MOB3B: variants seen among roughly 807,000 people sequenced by gnomAD.
MOB3B encodes MOB kinase activator-like 2B.
Under a neutral mutation model 18.7 loss-of-function variants are expected in MOB3B, and 7 were observed. That is an observed-to-expected ratio of 0.37 (90% confidence interval 0.21 to 0.70). The LOEUF (loss-of-function observed/expected upper bound fraction) is 0.70. Ranked by LOEUF, MOB3B falls within the 30% of genes least tolerant of loss-of-function variation. MOB3B has a pLI of 0.52. For synonymous variants in MOB3B, 111 were observed against 99.9 expected (o/e 1.11, Z -0.66); for missense variants, 253 against 281.3 (o/e 0.90, Z 0.72).
rs1820742141 is a variant in MOB3B at position 27,328,459 on chromosome 9, G to C, written c.*2128C>G. Reference sequence around the variant, plus strand: ...TTCATTAGTGCAATTAACAATATAAGCAGGAGGAAATTCTTCCAAGAAGCT... The same window carrying C: ...TTCATTAGTGCAATTAACAATATAACCAGGAGGAAATTCTTCCAAGAAGCT... On this transcript the variant is annotated 3_prime_UTR_variant, in exon 4 of 4. Coordinates refer to ENST00000262244, the MANE Select transcript of MOB3B (RefSeq NM_024761.5). 1.3e-5 allele frequency: 2 copies of C among 151,356 alleles called. No individual in the cohort carries two copies. 9.4% of individuals were successfully genotyped at this position (151,356 alleles called of 1,614,324 possible).
intron 1 of MOB3B, among the ~76,000 whole-genome samples, chr9:27,497,504 A>G (rs1819919724): frequency 6.6e-6 from 1 of 152,018 alleles, no homozygotes; most frequent in African/African-American, 2.4e-5. Context: ...ACAATTTCCT[A>G]AAAAATATAT....
In MOB3B at chr9:27,446,718, C is replaced by T. The variant is rs573859117; in HGVS notation, c.418+8415G>A. Among the ~76,000 whole-genome samples the T allele has an allele frequency of 1.3e-4, 20 of 152,266 alleles. No individual in the cohort carries two copies. The South Asian group carries it at 3.1e-3, about 24-fold the overall frequency. On this transcript the variant is annotated intron_variant, in intron 2 of 3. Coordinates refer to ENST00000262244, the MANE Select transcript of MOB3B (RefSeq NM_024761.5). ...CTAGCATTGTGTCAGGGGCTTCACACGTAGCATGTTATTTTATATTCTTAA... is the reference window on the plus strand; with the variant it reads ...CTAGCATTGTGTCAGGGGCTTCACATGTAGCATGTTATTTTATATTCTTAA...
chr9:27,451,865 G>A (rs1822789908), intron 2 of MOB3B, among the ~76,000 whole-genome samples: 1 of 152,216 alleles, frequency 6.6e-6, no homozygotes, highest in South Asian at 2.1e-4. Context: ...AGGAAAAAGA[G>A]GAGGAAATGG....
chr9:27,481,520 G>GTTTTTTTTT (rs1224985717), intron 1 of MOB3B, among the ~76,000 whole-genome samples: 48 of 91,710 alleles, frequency 5.2e-4, no homozygotes, highest in South Asian at 1.1e-3. Flanking sequence ...TGTTTTTTTT[G>GTTTTTTTTT]TTTTTTTTTT....
In MOB3B at chr9:27,522,925, A is replaced by ATT. The variant is rs200359083; in HGVS notation, c.-199+6629_-199+6630insAA. Among the ~76,000 whole-genome samples the ATT allele has an allele frequency of 1.7e-4, 26 of 150,394 alleles. No homozygotes were observed. In the East Asian group the frequency reaches 1.8e-3, roughly 11 times the overall value. ...AACAAATAGAATAATATATATATAT[A>ATT]TATTTTTTTCCGTAAGAAACCTTTC... On this transcript the variant is annotated intron_variant, in intron 1 of 3. Transcript: ENST00000262244.
intron 2 of MOB3B, among the ~76,000 whole-genome samples, chr9:27,410,808 G>A (rs1822054898): frequency 6.6e-6 from 1 of 152,136 alleles, no homozygotes; most frequent in African/African-American, 2.4e-5. Flanking sequence ...TCTGGAAAAT[G>A]AGAAGGAATC....
intron 2 of MOB3B, among the ~76,000 whole-genome samples, chr9:27,373,757 T>C (rs1483897770): frequency 6.6e-6 from 1 of 152,246 alleles, no homozygotes; most frequent in Non-Finnish European, 1.5e-5. Flanking sequence ...GCACCAGCCA[T>C]GTAAATATCC....
chr9:27,386,046 T>C lies in MOB3B; in HGVS notation c.419-26810A>G, dbSNP rs747695429. On this transcript the variant is annotated intron_variant, in intron 2 of 3. Transcript: ENST00000262244. ...TGTGCAGACATGTGCAAGAAGCACA[T>C]GGACAAGCCATCCTGCTGCTGCTTT... Among the ~76,000 whole-genome samples, 13 of 152,224 alleles carry C rather than the reference T, an allele frequency of 8.5e-5. 1 individual carries two copies. The highest frequency in any genetic ancestry group is 1.6e-4 in the Non-Finnish European group (11 of 68,032).
chr9:27,381,173 A>G (rs1466348727), intron 2 of MOB3B, among the ~76,000 whole-genome samples: 5 of 152,128 alleles, frequency 3.3e-5, no homozygotes, highest in Non-Finnish European at 7.4e-5. Flanking sequence ...TTATCTATCC[A>G]TAGTGGGTGT....
At chr9:27,487,373 G>A (rs1002366957) in intron 1 of MOB3B, among the ~76,000 whole-genome samples, 1 of 151,890 alleles carries the variant, frequency 6.6e-6, no homozygotes, top group Admixed American at 6.6e-5. Flanking sequence ...AGGGTAATAA[G>A]CTTTATTACC....
intron 1 of MOB3B, among the ~76,000 whole-genome samples, chr9:27,522,111 G>A (rs1587277008): frequency 1.3e-5 from 2 of 151,372 alleles, no homozygotes; most frequent in East Asian, 3.9e-4. Context: ...ACATGGTGAC[G>A]CGTGCCTGTA....
intron 1 of MOB3B, among the ~76,000 whole-genome samples, chr9:27,460,680 A>G (rs1035153422): frequency 1.3e-5 from 2 of 152,164 alleles, no homozygotes; most frequent in Non-Finnish European, 2.9e-5. Context: ...TCAATATCTT[A>G]TCTGTGAGGT....
intron 1 of MOB3B, among the ~76,000 whole-genome samples, chr9:27,523,498 G>C (rs969906377): frequency 1.3e-5 from 2 of 149,616 alleles, no homozygotes; most frequent in African/African-American, 5.0e-5. Flanking sequence ...AAAAGAAAAT[G>C]ATACTACAAG....
At chr9:27,365,246 C>T (rs778523367) in intron 2 of MOB3B, among the ~76,000 whole-genome samples, 3 of 150,330 alleles carry the variant, frequency 2.0e-5, no homozygotes, top group Admixed American at 6.6e-5. Context: ...TGGAAGGCTG[C>T]ATGTTGCTTT....
intron 1 of MOB3B, among the ~76,000 whole-genome samples, chr9:27,520,070 A>G (rs1038045126): frequency 1.3e-5 from 2 of 152,206 alleles, no homozygotes; most frequent in Admixed American, 6.5e-5. Context: ...AGAATTGAGT[A>G]ATATGGATGA....
chr9:27,385,133 C>T (rs1211245570), intron 2 of MOB3B, among the ~76,000 whole-genome samples: 1 of 152,116 alleles, frequency 6.6e-6, no homozygotes, highest in Non-Finnish European at 1.5e-5. Flanking sequence ...AGGAGGGGGG[C>T]AAAAGGAGGG....
At chr9:27,336,392 T>C (rs966383226) in intron 3 of MOB3B, among the ~76,000 whole-genome samples, 3 of 152,080 alleles carry the variant, frequency 2.0e-5, no homozygotes, top group Admixed American at 6.5e-5. Flanking sequence ...ATTACCAGCT[T>C]CCTGCTAACT....
chr9:27,375,046 ACTGGC>A (rs970558569), intron 2 of MOB3B, among the ~76,000 whole-genome samples: 9 of 152,208 alleles, frequency 5.9e-5, no homozygotes, highest in African/African-American at 2.2e-4. Flanking sequence ...AGTGGGGTCC[ACTGGC>A]CTGCCACCTG....
chr9:27,490,067 C>T (rs1182186576), intron 1 of MOB3B, among the ~76,000 whole-genome samples: 1 of 152,096 alleles, frequency 6.6e-6, no homozygotes, highest in South Asian at 2.1e-4. Flanking sequence ...CAACACACTT[C>T]CCCTCTGCAT....
Sources: gnomAD v4.1 joint callset for allele counts (sites outside exome capture counted in the v4.1 genomes callset) on GRCh38, gnomAD v4.1.1 for gene constraint, MANE v1.5 for transcripts, NCBI Gene and HGNC (gene_info 2026-07-23, HGNC 2026-07-21) for gene names.